Variants in TBC1D4 observed in about 807,000 individuals in gnomAD.
TBC1D4 encodes TBC (Tre-2, BUB2, CDC16) domain-containing protein.
TBC1D4 carries 121 observed loss-of-function variants against 142.5 expected under a neutral mutation model. The ratio of observed to expected loss-of-function variants is 0.85; its 90% CI spans 0.73 to 0.99. TBC1D4 has a LOEUF of 0.99. Ranked by LOEUF, TBC1D4 falls within the 50% of genes least tolerant of loss-of-function variation. The pLI, the probability that TBC1D4 is intolerant of heterozygous loss-of-function variation, is 0.00. For synonymous variants in TBC1D4, 630 were observed against 628.2 expected (o/e 1.00, Z -0.04); for missense variants, 1,475 against 1,606.6 (o/e 0.92, Z 1.40).
At chr13:75,342,159 T>C (rs111674504) in intron 5 of TBC1D4, among the ~76,000 whole-genome samples, 1 of 152,158 alleles carries the variant, frequency 6.6e-6, no homozygotes, top group South Asian at 2.1e-4. Flanking sequence ...ATCGAGCCAC[T>C]GCACTCCAGC....
intron 5 of TBC1D4, among the ~76,000 whole-genome samples, chr13:75,347,978 AT>A (rs1213923059): frequency 1.3e-5 from 2 of 152,068 alleles, no homozygotes; most frequent in South Asian, 2.1e-4. Flanking sequence ...TCTACAAAAA[AT>A]TTTTTAAAAA....
intron 1 of TBC1D4, among the ~76,000 whole-genome samples, chr13:75,385,992 T>C (rs1185121057): frequency 6.6e-6 from 1 of 152,244 alleles, no homozygotes; most frequent in East Asian, 1.9e-4. Flanking sequence ...AAAGCCCTCG[T>C]GTCCTGCTAT....
At chr13:75,287,675 T>C (rs1874832603) in intron 20 of TBC1D4, among the ~76,000 whole-genome samples, 1 of 152,180 alleles carries the variant, frequency 6.6e-6, no homozygotes, top group Non-Finnish European at 1.5e-5. Context: ...GAAAAAAAGA[T>C]TTACATTTTC....
intron 11 of TBC1D4, among the ~76,000 whole-genome samples, chr13:75,322,651 T>TC (rs1375615847): frequency 3.3e-5 from 5 of 152,322 alleles, no homozygotes; most frequent in Admixed American, 2.6e-4. Flanking sequence ...GGCATGGTTC[T>TC]CTCAGGAAGG....
chr13:75,431,635 T>A (rs1886595599), intron 1 of TBC1D4, among the ~76,000 whole-genome samples: 1 of 152,290 alleles, frequency 6.6e-6, no homozygotes. Flanking sequence ...ACTGTAATGA[T>A]GAAAAGTAAT....
At chr13:75,332,389 T>C (rs1879824572) in intron 8 of TBC1D4, among the ~76,000 whole-genome samples, 1 of 152,214 alleles carries the variant, frequency 6.6e-6, no homozygotes, top group Non-Finnish European at 1.5e-5. Context: ...AAATATAAAA[T>C]CGGCTAGGGC....
chr13:75,390,414 T>C (rs1262311329), intron 1 of TBC1D4, among the ~76,000 whole-genome samples: 1 of 152,046 alleles, frequency 6.6e-6, no homozygotes, highest in Admixed American at 6.6e-5. Context: ...GATTAGGATG[T>C]GGAATCACCT....
chr13:75,421,328 A>G (rs1378263531), intron 1 of TBC1D4, among the ~76,000 whole-genome samples: 1 of 152,162 alleles, frequency 6.6e-6, no homozygotes, highest in Non-Finnish European at 1.5e-5. Flanking sequence ...TATCCCATTT[A>G]CAATCCCCCT....
chr13:75,341,515 T>C lies in TBC1D4; in HGVS notation c.1481A>G (p.Asp494Gly), dbSNP rs759756044. The C allele has an allele frequency of 2.5e-6, 4 of 1,614,064 alleles. No homozygotes were observed. The highest frequency in any genetic ancestry group is 1.1e-5 in the South Asian group (1 of 91,074). The change falls in exon 6 of 21, where the codon GAC (aspartate) becomes GGC (glycine). Residue 494 changes from aspartate to glycine, a missense_variant. This residue lies in a region of TBC1D4 where 1,227 missense variants were observed against 1,267.7 expected (regional missense o/e 0.97). Coordinates refer to ENST00000377636, the MANE Select transcript of TBC1D4 (RefSeq NM_014832.5). ...TGTTACCTGAACTCTTTCAAAGATGTCAGCTTGCTCATTATCTGTCAGTGA... is the reference window on the plus strand; with the variant it reads ...TGTTACCTGAACTCTTTCAAAGATGCCAGCTTGCTCATTATCTGTCAGTGA... The part of the protein sequence containing the change: ...LSSLTDNEQA[D>G]IFERVQKMKP...
intron 17 of TBC1D4, among the ~76,000 whole-genome samples, chr13:75,295,783 TTG>T (rs1402494607): frequency 6.6e-6 from 1 of 152,212 alleles, no homozygotes; most frequent in East Asian, 1.9e-4. Flanking sequence ...AATTTGTGAA[TTG>T]TGTTTTAATT....
At chr13:75,331,995 T>C (rs1879789222) in intron 8 of TBC1D4, among the ~76,000 whole-genome samples, 1 of 152,196 alleles carries the variant, frequency 6.6e-6, no homozygotes, top group South Asian at 2.1e-4. Flanking sequence ...GCAAAATTTA[T>C]GTCATTTGGC....
At chr13:75,426,779 C>T (rs1886386621) in intron 1 of TBC1D4, among the ~76,000 whole-genome samples, 1 of 151,986 alleles carries the variant, frequency 6.6e-6, no homozygotes, top group African/African-American at 2.4e-5. Flanking sequence ...CAGTGGCTCA[C>T]ACCTGTAATC....
At chr13:75,435,137 T>A (rs1886743935) in intron 1 of TBC1D4, among the ~76,000 whole-genome samples, 1 of 151,908 alleles carries the variant, frequency 6.6e-6, no homozygotes, top group Non-Finnish European at 1.5e-5. Context: ...CAATACTCAT[T>A]TTACACCATG....
At chr13:75,395,984 A>T (rs539566254) in intron 1 of TBC1D4, among the ~76,000 whole-genome samples, 2 of 152,292 alleles carry the variant, frequency 1.3e-5, no homozygotes, top group Non-Finnish European at 2.9e-5. Flanking sequence ...TGGTTCTGCA[A>T]CCCATTGGCT....
intron 1 of TBC1D4, among the ~76,000 whole-genome samples, chr13:75,381,717 A>C (rs1883856720): frequency 6.6e-6 from 1 of 152,244 alleles, no homozygotes; most frequent in African/African-American, 2.4e-5. Context: ...ATTTCTTCTC[A>C]GTGCAACCAG....
intron 17 of TBC1D4, among the ~76,000 whole-genome samples, chr13:75,296,182 T>C (rs1875899185): frequency 6.6e-6 from 1 of 151,692 alleles, no homozygotes; most frequent in Admixed American, 6.6e-5. Flanking sequence ...AGCTATAAAA[T>C]AAGAAGCTTA....
chr13:75,468,889 G>A (rs1281202563), intron 1 of TBC1D4, among the ~76,000 whole-genome samples: 1 of 152,150 alleles, frequency 6.6e-6, no homozygotes, highest in Non-Finnish European at 1.5e-5. Flanking sequence ...GTAAGATCTC[G>A]CTCAGTGTGA....
At chr13:75,463,605 A>G (rs1247493039) in intron 1 of TBC1D4, among the ~76,000 whole-genome samples, 2 of 152,204 alleles carry the variant, frequency 1.3e-5, no homozygotes, top group African/African-American at 2.4e-5. Flanking sequence ...CCTGCCCCCA[A>G]TAAGATTTTG....
chr13:75,354,030 C>T (rs1464774240), intron 4 of TBC1D4, among the ~76,000 whole-genome samples: 11 of 152,174 alleles, frequency 7.2e-5, no homozygotes, highest in Non-Finnish European at 1.5e-4. Flanking sequence ...CTAACCAACA[C>T]GTGTGGGTTT....
Sources: gnomAD v4.1 joint callset for allele counts (sites outside exome capture counted in the v4.1 genomes callset) on GRCh38, gnomAD v4.1.1 for gene constraint, gnomAD v4.1.1 regional missense constraint, MANE v1.5 for transcripts, NCBI Gene and HGNC (gene_info 2026-07-23, HGNC 2026-07-21) for gene names.